The following MARCHF3 variants were observed in gnomAD, a reference collection of about 807,000 sequenced individuals.
The protein encoded by MARCHF3 is E3 ubiquitin-protein ligase MARCHF3.
Under a neutral mutation model 24.2 loss-of-function variants are expected in MARCHF3, and 13 were observed. That is an observed-to-expected ratio of 0.54 (90% CI 0.35 to 0.85). MARCHF3 has a LOEUF of 0.85. MARCHF3 is among the 40% of genes least tolerant of loss of function. The pLI, the probability that MARCHF3 is intolerant of heterozygous loss-of-function variation, is 0.01. For missense variants in MARCHF3, 276 were observed against 325.0 expected, an observed-to-expected ratio of 0.85 and a Z score of 1.16; for synonymous variants, 144 against 137.3, an observed-to-expected ratio of 1.05 and a Z score of -0.34.
intron 1 of MARCHF3, among the ~76,000 whole-genome samples, chr5:126,965,919 G>A (rs563118545): frequency 3.2e-4 from 49 of 152,218 alleles, no homozygotes; most frequent in African/African-American, 7.7e-4. Context: ...AAAGACTTTC[G>A]CATTTTTATT....
At chr5:127,019,384 A>C (rs1416682680) in intron 1 of MARCHF3, among the ~76,000 whole-genome samples, 1 of 152,028 alleles carries the variant, frequency 6.6e-6, no homozygotes, top group Non-Finnish European at 1.5e-5. Context: ...CAGAATCCTA[A>C]CTTTGTTCAA....
intron 3 of MARCHF3, among the ~76,000 whole-genome samples, chr5:126,896,116 T>C (rs923688834): frequency 6.6e-6 from 1 of 152,196 alleles, no homozygotes; most frequent in African/African-American, 2.4e-5. Context: ...GAAAGGGAAC[T>C]CCCTGACCCC....
chr5:126,878,469 T>A, intron 3 of MARCHF3, 75 bp from the exon 4 acceptor site: 1 of 1,429,160 alleles, frequency 7.0e-7, no homozygotes, highest in Non-Finnish European at 9.5e-7. Flanking sequence ...CACGCTGTTC[T>A]GAAGTTATCT....
Position 127,020,108 on chromosome 5 carries a change from C to T in MARCHF3, c.-57+10242G>A, listed in dbSNP as rs138056691. Among the ~76,000 whole-genome samples the T allele has an allele frequency of 3.3e-3, 499 of 152,336 alleles. 5 individuals carry two copies. The highest frequency in any genetic ancestry group is 0.011 in the African/African-American group (469 of 41,572). On this transcript the variant is annotated intron_variant, in intron 1 of 4. Transcript: ENST00000308660. The stretch of plus-strand genomic sequence containing the variant: ...TAATCTCTGTCTGTGGCTTTCCCTA[C>T]GTGCTTAATAACTTTGACTTTCACC...
intron 1 of MARCHF3, among the ~76,000 whole-genome samples, chr5:127,011,085 C>T (rs548468557): frequency 6.6e-6 from 1 of 152,106 alleles, no homozygotes; most frequent in Non-Finnish European, 1.5e-5. Context: ...TTCCATGGAG[C>T]CTTCATACTA....
chr5:127,019,878 T>C (rs1232114079), intron 1 of MARCHF3, among the ~76,000 whole-genome samples: 2 of 152,228 alleles, frequency 1.3e-5, no homozygotes, highest in Non-Finnish European at 2.9e-5. Flanking sequence ...TTTGGAAGTA[T>C]CACTAATTTC....
chr5:126,882,900 T>G (rs1283661176), intron 3 of MARCHF3, among the ~76,000 whole-genome samples: 1 of 152,218 alleles, frequency 6.6e-6, no homozygotes, highest in Admixed American at 6.5e-5. Flanking sequence ...TTTAAATAAC[T>G]TACACAAGAT....
At chr5:126,922,512 T>G (rs373137755) in intron 1 of MARCHF3, among the ~76,000 whole-genome samples, 1 of 142,820 alleles carries the variant, frequency 7.0e-6, no homozygotes, top group Non-Finnish European at 1.5e-5. Context: ...CATTTCTGTC[T>G]TTTATTTATT....
chr5:126,878,083 A>C (rs1753224849), intron 4 of MARCHF3, 102 bp downstream of exon 4: 1 of 1,127,252 alleles, frequency 8.9e-7, no homozygotes, highest in Admixed American at 2.1e-5. Flanking sequence ...TCTGTTTTCT[A>C]CCGGGCAGGT....
intron 1 of MARCHF3, among the ~76,000 whole-genome samples, chr5:126,988,922 A>C (rs1009988678): frequency 1.3e-5 from 2 of 152,220 alleles, no homozygotes; most frequent in Non-Finnish European, 2.9e-5. Context: ...GGGAATAAAG[A>C]AAAGATGTTT....
At chr5:126,987,887 G>A (rs1751620882) in intron 1 of MARCHF3, among the ~76,000 whole-genome samples, 1 of 152,134 alleles carries the variant, frequency 6.6e-6, no homozygotes, top group South Asian at 2.1e-4. Flanking sequence ...TTACTTGGGG[G>A]CCAAATATCA....
At chr5:127,016,793 A>G (rs1303617747) in intron 1 of MARCHF3, among the ~76,000 whole-genome samples, 2 of 152,206 alleles carry the variant, frequency 1.3e-5, no homozygotes, top group Admixed American at 1.3e-4. Flanking sequence ...CATGCTACTA[A>G]GACACATGAA....
intron 3 of MARCHF3, among the ~76,000 whole-genome samples, chr5:126,911,055 G>A (rs190287665): frequency 3.9e-5 from 6 of 152,170 alleles, no homozygotes; most frequent in East Asian, 1.9e-4. Flanking sequence ...TTATTAGGAC[G>A]AGGAAATTCC....
chr5:126,915,263 T>G (rs1027864770), intron 2 of MARCHF3, 129 bp from the exon 3 acceptor site: 4 of 836,940 alleles, frequency 4.8e-6, no homozygotes, highest in African/African-American at 1.7e-5. Flanking sequence ...GATCTACACT[T>G]GACCTTGGCA....
chr5:126,907,123 C>G (rs1054072469), intron 3 of MARCHF3, among the ~76,000 whole-genome samples: 7 of 151,438 alleles, frequency 4.6e-5, no homozygotes, highest in South Asian at 4.2e-4. Context: ...TGTAGTTGAG[C>G]GGTTTTGAGT....
chr5:126,964,515 C>T (rs1197375100), intron 1 of MARCHF3, among the ~76,000 whole-genome samples: 1 of 152,026 alleles, frequency 6.6e-6, no homozygotes, highest in African/African-American at 2.4e-5. Context: ...AGGCCTAAGC[C>T]TCGGCAATTT....
In MARCHF3 at chr5:126,906,574, A is replaced by G. The variant is rs576295646; in HGVS notation, c.393+8356T>C. On this transcript the variant is annotated intron_variant, in intron 3 of 4. Transcript: ENST00000308660. Reference sequence around the variant, plus strand: ...AGTGTATGTGTCCAGGAATTTATCAATTTCTTCTAGATTTTCTAGTTTATT... The same window carrying G: ...AGTGTATGTGTCCAGGAATTTATCAGTTTCTTCTAGATTTTCTAGTTTATT... 1.0e-3 allele frequency among the ~76,000 whole-genome samples: 155 copies of G among 152,142 alleles called. 1 individual carries two copies. The highest frequency in any genetic ancestry group is 3.6e-3 in the African/African-American group (151 of 41,484).
chr5:126,923,362 A>AGTC (rs1749188533), intron 1 of MARCHF3, among the ~76,000 whole-genome samples: 1 of 152,222 alleles, frequency 6.6e-6, no homozygotes, highest in African/African-American at 2.4e-5. Context: ...AGTCAACATT[A>AGTC]GTCTCTTAGA....
intron 1 of MARCHF3, among the ~76,000 whole-genome samples, chr5:126,951,252 T>C (rs1224143745): frequency 1.3e-5 from 2 of 152,206 alleles, no homozygotes; most frequent in African/African-American, 4.8e-5. Context: ...TCTTTACTAG[T>C]TCCTCCCATT....
Sources: allele counts gnomAD v4.1 joint callset (sites outside exome capture counted in the v4.1 genomes callset), GRCh38; gene constraint gnomAD v4.1.1; transcripts MANE v1.5; gene names NCBI Gene and HGNC (gene_info 2026-07-23, HGNC 2026-07-21).